MED27: variants seen among roughly 807,000 people sequenced by gnomAD.
MED27 encodes the protein mediator of RNA polymerase II transcription subunit 27.
In MED27, 30 loss-of-function variants were observed where a neutral mutation model predicts 38.2. The observed-to-expected ratio is 0.79, with a 90% CI of 0.59 to 1.07. The LOEUF (loss-of-function observed/expected upper bound fraction) is 1.07, where lower values mean the gene tolerates loss of function less well. Ranked by LOEUF, MED27 falls within the 50% of genes least tolerant of loss-of-function variation. The pLI, the probability that MED27 is intolerant of heterozygous loss-of-function variation, is 0.00. For synonymous variants in MED27, 122 were observed against 153.5 expected (o/e 0.79, Z 1.52); for missense variants, 289 against 397.5 (o/e 0.73, Z 2.32).
intron 2 of MED27, among the ~76,000 whole-genome samples, chr9:132,064,137 C>T (rs926632462): frequency 6.6e-6 from 1 of 152,086 alleles, no homozygotes; most frequent in Admixed American, 6.5e-5. Flanking sequence ...GGGAAACATG[C>T]AGAATACCAA....
intron 2 of MED27, among the ~76,000 whole-genome samples, chr9:132,066,586 C>A (rs1463573813): frequency 1.3e-5 from 2 of 152,226 alleles, no homozygotes; most frequent in African/African-American, 4.8e-5. Context: ...GAGCCAAGAC[C>A]CTGGCCAGGG....
At chr9:131,971,996 T>C (rs971632796) in intron 3 of MED27, among the ~76,000 whole-genome samples, 6 of 152,136 alleles carry the variant, frequency 3.9e-5, no homozygotes, top group Non-Finnish European at 7.4e-5. Context: ...ACAGAAGGGA[T>C]TTTACTGCAA....
At chr9:131,930,703 A>G (rs376600267) in intron 4 of MED27, among the ~76,000 whole-genome samples, 7 of 152,230 alleles carry the variant, frequency 4.6e-5, no homozygotes, top group African/African-American at 1.7e-4. Context: ...TAGTGAGCAC[A>G]CAGAAAAACA....
intron 5 of MED27, among the ~76,000 whole-genome samples, chr9:131,890,430 G>A (rs957540402): frequency 6.6e-6 from 1 of 152,108 alleles, no homozygotes; most frequent in Non-Finnish European, 1.5e-5. Context: ...ATTTTCCTTC[G>A]GAGAAAGAGA....
At chr9:131,988,659 G>T (rs1164949040) in intron 3 of MED27, among the ~76,000 whole-genome samples, 1 of 152,042 alleles carries the variant, frequency 6.6e-6, no homozygotes. Flanking sequence ...CGGGGGGATT[G>T]GGGGAGAGAC....
rs555386096 is a variant in MED27 at position 131,894,090 on chromosome 9, C to A, written c.574-98G>T. The A allele has an allele frequency of 4.9e-6, 4 of 818,588 alleles. No homozygotes were observed. The African/African-American group carries it at 6.6e-5, about 14-fold the overall frequency. The allele number at this position is 818,588 out of a possible 1,614,324, so 50.7% of individuals were successfully genotyped here. A position where few individuals can be genotyped will look rare whatever the true frequency, so the allele number is the denominator to read the frequency against. ...TGACCACCTGGCCAATCCAGTGAGA[C>A]TGGATTCATGGTGCTGGCCCTGTGG... is the stretch of plus-strand genomic sequence containing the variant. On this transcript the variant is annotated intron_variant, in intron 4 of 7. Coordinates refer to ENST00000292035, the MANE Select transcript of MED27 (RefSeq NM_004269.4).
chr9:132,039,596 G>C (rs886586557), intron 2 of MED27, among the ~76,000 whole-genome samples: 1 of 152,208 alleles, frequency 6.6e-6, no homozygotes, highest in East Asian at 1.9e-4. Context: ...CCGCCAGTCT[G>C]TCTGCCATCA....
At chr9:132,041,216 G>A (rs889092086) in intron 2 of MED27, among the ~76,000 whole-genome samples, 7 of 152,208 alleles carry the variant, frequency 4.6e-5, no homozygotes, top group Non-Finnish European at 8.8e-5. Flanking sequence ...CGACAAGCTC[G>A]CTAACAGAGC....
At chr9:132,061,430 G>A (rs1694936264) in intron 2 of MED27, among the ~76,000 whole-genome samples, 1 of 152,218 alleles carries the variant, frequency 6.6e-6, no homozygotes, top group African/African-American at 2.4e-5. Flanking sequence ...GACACTGCTA[G>A]TAGCTGGTAA....
intron 4 of MED27, among the ~76,000 whole-genome samples, chr9:131,928,571 G>A (rs145969957): frequency 1.1e-3 from 169 of 152,292 alleles, no homozygotes; most frequent in African/African-American, 3.9e-3. Context: ...AGAGCACAGC[G>A]ACTGGGGGAC....
intron 3 of MED27, among the ~76,000 whole-genome samples, chr9:131,996,236 C>T (rs547876941): frequency 6.6e-6 from 1 of 152,278 alleles, no homozygotes; most frequent in Admixed American, 6.5e-5. Flanking sequence ...TATTGTGGAG[C>T]CTGGGTACCC....
At chr9:132,008,217 A>G (rs987152150) in intron 3 of MED27, among the ~76,000 whole-genome samples, 1 of 152,184 alleles carries the variant, frequency 6.6e-6, no homozygotes, top group Non-Finnish European at 1.5e-5. Flanking sequence ...GCTATCTAAG[A>G]TAGAACACAG....
chr9:131,996,833 C>G (rs1335941066), intron 3 of MED27, among the ~76,000 whole-genome samples: 3 of 152,304 alleles, frequency 2.0e-5, no homozygotes, highest in East Asian at 3.9e-4. Flanking sequence ...ACTTAATGAA[C>G]AGTAAATATT....
chr9:131,946,248 C>T (rs530498099), intron 3 of MED27, among the ~76,000 whole-genome samples: 13 of 152,248 alleles, frequency 8.5e-5, no homozygotes, highest in African/African-American at 3.1e-4. Flanking sequence ...TGACTTCATT[C>T]CTATGGACAT....
In MED27 at chr9:132,051,066, G is replaced by A. The variant is rs1453783021; in HGVS notation, c.348+26376C>T. Among the ~76,000 whole-genome samples the A allele has an allele frequency of 3.3e-5, 5 of 152,146 alleles. No homozygotes were observed. Among genetic ancestry groups the A allele is most frequent in the Admixed American group, 1.3e-4 (2 of 15,274 alleles). On this transcript the variant is annotated intron_variant, in intron 2 of 7. Coordinates refer to ENST00000292035, the MANE Select transcript of MED27 (RefSeq NM_004269.4). The surrounding 1 kb of genome is among the most constrained non-coding windows in gnomAD (Gnocchi z 4.2). Reference sequence around the variant, plus strand: ...CACATTCACCCACACACACTGCAGCGAATGTTCTAATGGATCCATCCTTTT... The same window carrying A: ...CACATTCACCCACACACACTGCAGCAAATGTTCTAATGGATCCATCCTTTT...
chr9:131,884,150 C>T, intron 5 of MED27, 51 bp from the exon 6 acceptor site: 1 of 1,463,358 alleles, frequency 6.8e-7, no homozygotes, highest in Non-Finnish European at 9.3e-7. Flanking sequence ...GAATTCGGGA[C>T]TTCAAGAAAT....
chr9:132,001,803 C>A (rs547126402), intron 3 of MED27, among the ~76,000 whole-genome samples: 111 of 152,216 alleles, frequency 7.3e-4, no homozygotes, highest in Non-Finnish European at 1.2e-3. Context: ...TCTGACAACT[C>A]TTGGCCCAGA....
In MED27 at chr9:132,048,768, A is replaced by G. The variant is rs1833400493; in HGVS notation, c.348+28674T>C. 2.0e-5 allele frequency among the ~76,000 whole-genome samples: 3 copies of G among 152,290 alleles called. No homozygotes were observed. In the South Asian group the frequency reaches 6.2e-4, roughly 32 times the overall value. ...CACCTGCATCACGGGGGTGGCGGGC[A>G]GGGCTTTGGCAGCATGCTGGGGTGT... On this transcript the variant is annotated intron_variant, in intron 2 of 7. Coordinates refer to ENST00000292035, the MANE Select transcript of MED27 (RefSeq NM_004269.4).
chr9:132,001,961 T>C (rs1438377386), intron 3 of MED27, among the ~76,000 whole-genome samples: 2 of 152,234 alleles, frequency 1.3e-5, no homozygotes, highest in African/African-American at 2.4e-5. Context: ...TTCTAATGTG[T>C]AGCTAGGGCT....
Sources: allele counts gnomAD v4.1 joint callset (sites outside exome capture counted in the v4.1 genomes callset), GRCh38; gene constraint gnomAD v4.1.1; non-coding constraint Gnocchi (gnomAD v3.1); transcripts MANE v1.5; gene names NCBI Gene and HGNC (gene_info 2026-07-23, HGNC 2026-07-21).